The following CFAP251 variants were observed in gnomAD, a reference collection of about 807,000 sequenced individuals.
The protein encoded by CFAP251 is cilia and flagella associated protein 251, also known as cilia- and flagella-associated protein 251.
In CFAP251, 93 loss-of-function variants were observed where a neutral mutation model predicts 126.7. The observed-to-expected ratio is 0.73, with a 90% CI of 0.62 to 0.87. The LOEUF (loss-of-function observed/expected upper bound fraction) is 0.87, where lower values mean the gene tolerates loss of function less well. Among genes scored for constraint, CFAP251 ranks in the 40% least tolerant of loss-of-function variants. The pLI is 0.00. For missense variants in CFAP251, 1,287 were observed against 1,389.2 expected, an observed-to-expected ratio of 0.93 and a Z score of 1.17; for synonymous variants, 503 against 506.9, an observed-to-expected ratio of 0.99 and a Z score of 0.10.
intron 19 of CFAP251, among the ~76,000 whole-genome samples, chr12:121,977,821 T>C (rs1377975216): frequency 2.7e-5 from 4 of 146,568 alleles, no homozygotes; most frequent in East Asian, 2.0e-4. Flanking sequence ...TAGCCGGGCG[T>C]GGTGGTGGGC....
chr12:121,985,299 C>T (rs368139751), intron 19 of CFAP251, among the ~76,000 whole-genome samples: 22 of 151,908 alleles, frequency 1.4e-4, no homozygotes, highest in Non-Finnish European at 1.2e-4. Context: ...TTTGGGAGGC[C>T]GAGGTGGGAG....
At chr12:121,995,046 T>C (rs1410813933) in intron 19 of CFAP251, among the ~76,000 whole-genome samples, 1 of 152,272 alleles carries the variant, frequency 6.6e-6, no homozygotes, top group African/African-American at 2.4e-5. Flanking sequence ...TTAAGCACTT[T>C]ACGTACATAG....
rs796973750 is a variant in CFAP251 at position 121,928,685 on chromosome 12, T to C, written c.748-3061T>C. Among the ~76,000 whole-genome samples the C allele has an allele frequency of 2.1e-4, 7 of 33,636 alleles. 1 individual carries two copies. The highest frequency in any genetic ancestry group is 5.7e-4 in the African/African-American group (7 of 12,368). The allele number at this position is 33,636 out of a possible 152,430, so 22.1% of individuals were successfully genotyped here. ...ATATATATACGTATATATATATATA[T>C]ATACGTATATATATATATATTTTTT... is the stretch of plus-strand genomic sequence containing the variant. On this transcript the variant is annotated intron_variant, in intron 3 of 21. Coordinates refer to ENST00000288912, the MANE Select transcript of CFAP251 (RefSeq NM_144668.6).
Position 121,923,858 on chromosome 12 carries a change from C to G in CFAP251, c.615C>G (p.Asn205Lys). The part of the protein sequence containing the change: ...GQERRDLEPE[N>K]REEGQERRVS... ...AAAGAAGGGACTTGGAGCCAGAAAA[C>G]AGAGAGGAGGGACAAGAAAGGAGAG... The change falls in exon 3 of 22, where the codon AAC becomes AAG. Residue 205 changes from asparagine to lysine, a missense_variant. Asn to Lys is a moderately conservative substitution (Grantham distance 94). Coordinates refer to ENST00000288912, the MANE Select transcript of CFAP251 (RefSeq NM_144668.6). 6.2e-7 allele frequency: 1 copy of G among 1,614,114 alleles called. No individual in the cohort carries two copies.
chr12:121,959,107 A>G lies in CFAP251; in HGVS notation c.2133+13A>G. ...TATGGCAACTGCTGTAAGTATTTTC[A>G]TGGACAACCCATCCAGTGGCTTAGC... On this transcript the variant is annotated intron_variant, in intron 13 of 21. Coordinates refer to ENST00000288912, the MANE Select transcript of CFAP251 (RefSeq NM_144668.6). The G allele has an allele frequency of 1.3e-6, 2 of 1,573,984 alleles. No homozygotes were observed. Among genetic ancestry groups the G allele is most frequent in the South Asian group, 2.4e-5 (2 of 83,898 alleles).
intron 9 of CFAP251, among the ~76,000 whole-genome samples, chr12:121,951,843 C>T (rs1196331584): frequency 6.6e-6 from 1 of 151,950 alleles, no homozygotes; most frequent in Non-Finnish European, 1.5e-5. Flanking sequence ...CTCAGCCTCC[C>T]GAGTAGCTGG....
In CFAP251 at chr12:121,995,053, A is replaced by G. The variant is rs140828390; in HGVS notation, c.3007-4663A>G. ...GCATTATGTTAAGCACTTTACGTAC[A>G]TAGTCTCAATAAGCTTCAGAAAAGC... On this transcript the variant is annotated intron_variant, in intron 19 of 21. Coordinates refer to ENST00000288912, the MANE Select transcript of CFAP251 (RefSeq NM_144668.6). Among the ~76,000 whole-genome samples the G allele has an allele frequency of 1.2e-3, 180 of 152,368 alleles. 2 individuals are homozygous for G. The highest frequency in any genetic ancestry group is 4.0e-3 in the African/African-American group (165 of 41,594).
chr12:121,959,746 G>A (rs1881860781), intron 13 of CFAP251: 2 of 152,204 alleles, frequency 1.3e-5, no homozygotes, highest in Admixed American at 1.3e-4. Context: ...CACCTGGAAA[G>A]GAGTGTAAAA....
chr12:121,999,970 G>A, intron 20 of CFAP251, 26 bp downstream of exon 20: 1 of 1,563,328 alleles, frequency 6.4e-7, no homozygotes, highest in Non-Finnish European at 8.8e-7. Context: ...AGGATGTCTG[G>A]TAACATCCTG....
chr12:121,947,933 A>AG (rs1881379425), intron 7 of CFAP251: 1 of 152,202 alleles, frequency 6.6e-6, no homozygotes, highest in Non-Finnish European at 1.5e-5. Flanking sequence ...AGAAAATGAT[A>AG]GGTAAGGAAT....
At chr12:121,932,854 T>G (rs181256760) in intron 4 of CFAP251, 1 of 152,474 alleles carries the variant, frequency 6.6e-6, no homozygotes, top group African/African-American at 2.4e-5. Flanking sequence ...TGCATGGCAC[T>G]GAACACAGTG....
At chr12:121,930,500 A>C (rs1880639777) in intron 3 of CFAP251, among the ~76,000 whole-genome samples, 1 of 152,138 alleles carries the variant, frequency 6.6e-6, no homozygotes, top group Non-Finnish European at 1.5e-5. Flanking sequence ...TCCAAAAAAA[A>C]CAAAAAAAAC....
At position 121,954,318 on chromosome 12, in the gene CFAP251, C is replaced by T. The variant is rs1881637843; in HGVS notation, c.1519C>T (p.Leu507Phe). ...VHLQKEGITVLTTIDSYIVTG... is the reference protein window; with the variant it reads ...VHLQKEGITVFTTIDSYIVTG... ...TTTGCAGAAAGAGGGTATCACGGTA[C>T]TTACCACAATTGATAGGTAATTTTA... Residue 507 changes from leucine (L) to phenylalanine (F), a missense_variant, in exon 10 of 22, where the codon CTT (leucine) becomes TTT (phenylalanine). Physicochemically the swap from Leu to Phe is conservative, Grantham distance 22. Coordinates refer to ENST00000288912, the MANE Select transcript of CFAP251 (RefSeq NM_144668.6). 1.9e-6 allele frequency: 3 copies of T among 1,612,248 alleles called. No individual in the cohort carries two copies. The highest frequency in any genetic ancestry group is 3.3e-5 in the Admixed American group (2 of 59,740).
rs537875955 is a variant in CFAP251 at position 121,968,643 on chromosome 12, T to C, written c.2771+474T>C. 4.7e-5 allele frequency among the ~76,000 whole-genome samples: 7 copies of C among 147,560 alleles called. No individual in the cohort carries two copies. In the South Asian group the frequency reaches 1.4e-3, roughly 31 times the overall value. The stretch of plus-strand genomic sequence containing the variant: ...GTGGACTTTGAGGTGAAAGGGATAA[T>C]ATGAGTTTGAATATGGGCCCACCCT... On this transcript the variant is annotated intron_variant, in intron 17 of 21. Coordinates refer to ENST00000288912, the MANE Select transcript of CFAP251 (RefSeq NM_144668.6).
At chr12:121,977,924 A>C (rs1315843137) in intron 19 of CFAP251, among the ~76,000 whole-genome samples, 3 of 151,590 alleles carry the variant, frequency 2.0e-5, no homozygotes, top group Non-Finnish European at 2.9e-5. Context: ...GCGCCACTGC[A>C]CTCCAGCCTG....
intron 3 of CFAP251, among the ~76,000 whole-genome samples, chr12:121,928,640 A>ATATATATACGTATATATATATATACG (rs1555215921): frequency 3.1e-4 from 5 of 16,096 alleles, no homozygotes; most frequent in African/African-American, 2.1e-3. Flanking sequence ...ATATATACGT[A>ATATATATACGTATATATATATATACG]TATATATATA....
At chr12:121,937,607 A>G (rs1880944389) in intron 5 of CFAP251, among the ~76,000 whole-genome samples, 1 of 152,138 alleles carries the variant, frequency 6.6e-6, no homozygotes, top group Non-Finnish European at 1.5e-5. Flanking sequence ...TTTCACTGAC[A>G]AGATTGTTAG....
At position 121,928,690 on chromosome 12, in the gene CFAP251, G is replaced by GTATA. The variant is rs367690393; in HGVS notation, c.748-3044_748-3041dup. Among the ~76,000 whole-genome samples, 65 of 62,834 alleles carry GTATA rather than the reference G, an allele frequency of 1.0e-3. 6 individuals are homozygous for GTATA. Among genetic ancestry groups the GTATA allele is most frequent in the African/African-American group, 3.7e-3 (37 of 10,134 alleles). The allele number at this position is 62,834 out of a possible 152,430, so 41.2% of individuals were successfully genotyped here. On this transcript the variant is annotated intron_variant, in intron 3 of 21. Coordinates refer to ENST00000288912, the MANE Select transcript of CFAP251 (RefSeq NM_144668.6). ...TATACGTATATATATATATATATAC[G>GTATA]TATATATATATATATTTTTTTTTTG... is the stretch of plus-strand genomic sequence containing the variant.
At chr12:121,988,739 T>C (rs1882808198) in intron 19 of CFAP251, among the ~76,000 whole-genome samples, 1 of 151,268 alleles carries the variant, frequency 6.6e-6, no homozygotes, top group African/African-American at 2.4e-5. Flanking sequence ...TTTTTTTCTT[T>C]TTTTTCTCTT....
Sources: gnomAD v4.1 joint callset for allele counts (sites outside exome capture counted in the v4.1 genomes callset) on GRCh38, gnomAD v4.1.1 for gene constraint, MANE v1.5 for transcripts, NCBI Gene and HGNC (gene_info 2026-07-23, HGNC 2026-07-21) for gene names.